LITAF: variants seen among roughly 807,000 people sequenced by gnomAD.
LITAF encodes lipopolysaccharide-induced tumor necrosis factor-alpha factor.
Under a neutral mutation model 14.5 loss-of-function variants are expected in LITAF, and 9 were observed. The observed-to-expected ratio is 0.62, with a 90% CI of 0.37 to 1.08. The LOEUF (loss-of-function observed/expected upper bound fraction) is 1.08, where lower values mean the gene tolerates loss of function less well. LITAF is among the 50% of genes least tolerant of loss of function. LITAF has a pLI of 0.01. For synonymous variants in LITAF, 98 were observed against 88.2 expected (o/e 1.11, Z -0.62); for missense variants, 206 against 213.4 (o/e 0.97, Z 0.22).
chr16:11,612,409 G>A (rs2064987586), intron 3 of LITAF, among the ~76,000 whole-genome samples: 1 of 152,232 alleles, frequency 6.6e-6, no homozygotes, highest in Admixed American at 6.5e-5. Flanking sequence ...CCCTGGCTTG[G>A]CCTGGGCTCT....
chr16:11,559,573 G>GA (rs1236974470), intron 1 of LITAF, among the ~76,000 whole-genome samples: 3 of 151,826 alleles, frequency 2.0e-5, no homozygotes, highest in Non-Finnish European at 4.4e-5. Context: ...AACTTAGTAG[G>GA]AAAAAATGAA....
intron 1 of LITAF, among the ~76,000 whole-genome samples, chr16:11,577,198 G>C (rs1455477366): frequency 1.3e-5 from 2 of 152,180 alleles, no homozygotes; most frequent in East Asian, 1.9e-4. Flanking sequence ...CCCCACGAGG[G>C]CTTGAGAAAG....
At chr16:11,559,354 G>A (rs892528325) in intron 1 of LITAF, among the ~76,000 whole-genome samples, 15 of 152,004 alleles carry the variant, frequency 9.9e-5, no homozygotes, top group African/African-American at 3.6e-4. Context: ...ATTTTTACTT[G>A]TATTTAAGTT....
rs149684609 is a variant in LITAF, at chr16:11,570,437, C to A, written c.-5-13702G>T. On this transcript the variant is annotated intron_variant, in intron 1 of 3. Coordinates refer to ENST00000622633, the MANE Select transcript of LITAF (RefSeq NM_001136472.2). ...ACAGGGACCTGTTCTGTACCCAGTA[C>A]CTCCACGGCTTCACAGGTAGACATT... is the stretch of plus-strand genomic sequence containing the variant. Among the ~76,000 whole-genome samples, 323 of 152,298 alleles carry A rather than the reference C, an allele frequency of 2.1e-3. 2 individuals carry two copies. The highest frequency in any genetic ancestry group is 7.2e-3 in the African/African-American group (298 of 41,560).
exon 1 of LITAF, chr16:11,636,307 A>G (rs1247856457): frequency 6.6e-6 from 1 of 152,240 alleles, no homozygotes; most frequent in Non-Finnish European, 1.5e-5. Flanking sequence ...AGTTAAGAGC[A>G]GAAGTGTAAT....
chr16:11,556,622 G>C lies in LITAF; in HGVS notation c.109C>G (p.Pro37Ala). 2 of 1,614,222 alleles carry C rather than the reference G, an allele frequency of 1.2e-6. No homozygotes were observed. Among genetic ancestry groups the C allele is most frequent in the South Asian group, 1.1e-5 (1 of 91,086 alleles). ...VAVNSYYPTP[P>A]APMPGPTTGL... ...GTAGTTGGCCCAGGCATGGGAGCTG[G>C]AGGTGTGGGGTAATAACTGTTAACA... Residue 37 changes from proline (P) to alanine (A), a missense_variant, in exon 2 of 4, where the codon CCA becomes GCA. Coordinates refer to ENST00000622633, the MANE Select transcript of LITAF (RefSeq NM_001136472.2).
chr16:11,597,592 C>T (rs985127483), intron 1 of LITAF, among the ~76,000 whole-genome samples: 12 of 152,170 alleles, frequency 7.9e-5, no homozygotes, highest in African/African-American at 2.4e-4. Flanking sequence ...TCTGGCTCTA[C>T]GTCCATGCTC....
rs752357864 is a variant in LITAF at position 11,548,472 on chromosome 16, A to T, written c.*1165T>A. 4 of 453,884 alleles carry T rather than the reference A, an allele frequency of 8.8e-6. No homozygotes were observed. The highest frequency in any genetic ancestry group is 1.8e-5 in the Non-Finnish European group (4 of 226,770). The allele number at this position is 453,884 out of a possible 1,614,324, so 28.1% of individuals were successfully genotyped here. On this transcript the variant is annotated 3_prime_UTR_variant, in exon 4 of 4. Coordinates refer to ENST00000622633, the MANE Select transcript of LITAF (RefSeq NM_001136472.2). The stretch of plus-strand genomic sequence containing the variant: ...AAAATGTGCTTTCCCTTATCTTTCA[A>T]AACCCACCACCAGGAAACCAAAACG...
chr16:11,637,908 ATATATC>A (rs1208012312), upstream of LITAF, among the ~76,000 whole-genome samples: 185 of 59,594 alleles, frequency 3.1e-3, 42 homozygotes, highest in East Asian at 6.4e-3. Context: ...CTATATATAT[ATATATC>A]TATATCTATA....
intron 3 of LITAF, among the ~76,000 whole-genome samples, chr16:11,622,065 C>T (rs947554442): frequency 6.6e-6 from 1 of 152,226 alleles, no homozygotes; most frequent in East Asian, 1.9e-4. Context: ...CAGCCCTTGG[C>T]CTTCCCAGTT....
intron 1 of LITAF, among the ~76,000 whole-genome samples, chr16:11,593,360 A>T: frequency 6.8e-6 from 1 of 147,458 alleles, no homozygotes; most frequent in African/African-American, 2.5e-5. Flanking sequence ...GTCTCAAAAA[A>T]AAAAAAAAAA....
chr16:11,552,546 A>G (rs532198218), intron 3 of LITAF, among the ~76,000 whole-genome samples: 2 of 152,328 alleles, frequency 1.3e-5, no homozygotes, highest in South Asian at 4.1e-4. Flanking sequence ...TAGAAGAAAA[A>G]GGAATCCCTG....
chr16:11,602,081 C>T (rs1388577087), upstream of LITAF, among the ~76,000 whole-genome samples: 1 of 152,152 alleles, frequency 6.6e-6, no homozygotes, highest in Admixed American at 6.5e-5. Context: ...CCAATGGGGC[C>T]GGGTGCAGTG....
chr16:11,591,103 A>G (rs2064843592), upstream of LITAF, among the ~76,000 whole-genome samples: 2 of 118,920 alleles, frequency 1.7e-5, 1 homozygote. Flanking sequence ...TGATCCTAAA[A>G]TTAATATGGA....
chr16:11,548,451 T>C lies in LITAF; in HGVS notation c.*1186A>G, dbSNP rs1003537457. 9 of 453,894 alleles carry C rather than the reference T, an allele frequency of 2.0e-5. No homozygotes were observed. The highest frequency in any genetic ancestry group is 4.0e-5 in the Non-Finnish European group (9 of 226,776). 28.1% of individuals were successfully genotyped at this position (453,894 alleles called of 1,614,324 possible). A position where few individuals can be genotyped will look rare whatever the true frequency, so the allele number is the denominator to read the frequency against. On this transcript the variant is annotated 3_prime_UTR_variant, in exon 4 of 4. Coordinates refer to ENST00000622633, the MANE Select transcript of LITAF (RefSeq NM_001136472.2). ...CCATGGTACCCAGACATGCTCAAAA[T>C]GTGCTTTCCCTTATCTTTCAAAACC... is the stretch of plus-strand genomic sequence containing the variant.
intron 3 of LITAF, among the ~76,000 whole-genome samples, chr16:11,613,493 T>A (rs370929685): frequency 6.6e-6 from 1 of 152,206 alleles, no homozygotes; most frequent in African/African-American, 2.4e-5. Flanking sequence ...TGTTTAGACC[T>A]GCCCCACCTC....
At chr16:11,555,488 G>T (rs975063440) in intron 2 of LITAF, among the ~76,000 whole-genome samples, 3 of 151,892 alleles carry the variant, frequency 2.0e-5, no homozygotes, top group Admixed American at 1.3e-4. Context: ...AGTGAGACCC[G>T]ATTTACACAA....
chr16:11,613,460 G>A (rs557074416), intron 3 of LITAF, among the ~76,000 whole-genome samples: 2 of 152,346 alleles, frequency 1.3e-5, no homozygotes, highest in East Asian at 3.9e-4. Context: ...TGGGTCTGAG[G>A]TGCCAGAGTG....
intron 1 of LITAF, among the ~76,000 whole-genome samples, chr16:11,580,708 C>A (rs776262717): frequency 4.1e-4 from 63 of 152,316 alleles, no homozygotes; most frequent in Non-Finnish European, 7.9e-4. Flanking sequence ...TACATTTCCT[C>A]CCCTTACCCT....
Sources: gnomAD v4.1 joint callset for allele counts (sites outside exome capture counted in the v4.1 genomes callset) on GRCh38, gnomAD v4.1.1 for gene constraint, MANE v1.5 for transcripts, NCBI Gene and HGNC (gene_info 2026-07-23, HGNC 2026-07-21) for gene names.